DAB1: variants seen among roughly 807,000 people sequenced by gnomAD.
The protein encoded by DAB1 is disabled homolog 1.
DAB1 carries 15 observed loss-of-function variants against 64.6 expected under a neutral mutation model. That is an observed-to-expected ratio of 0.23 (90% CI 0.16 to 0.36). The LOEUF is 0.36. Among genes scored for constraint, DAB1 ranks in the 10% least tolerant of loss-of-function variants. DAB1 has a pLI of 1.00. For missense variants in DAB1, 596 were observed against 706.7 expected (o/e 0.84, Z 1.78); for synonymous variants, 235 against 251.9 (o/e 0.93, Z 0.64).
At chr1:58,531,751 C>T (rs536932494) in intron 1 of DAB1, among the ~76,000 whole-genome samples, 172 of 152,118 alleles carry the variant, frequency 1.1e-3, no homozygotes, top group Non-Finnish European at 1.2e-3. Context: ...GCCCTGTTGC[C>T]CAAGCTGGAG....
At position 58,088,906 on chromosome 1, in the gene DAB1, A is replaced by G. The variant is rs149157708; in HGVS notation, n.387+61605T>C. ...GGGAGGGGCTGCTGATGAGATCAGG[A>G]AGGACTTCCCTGTGAAGGAACGCGG... On this transcript the variant is annotated intron_variant and non_coding_transcript_variant, in intron 5 of 20. Transcript: ENST00000485760. Among the ~76,000 whole-genome samples the G allele has an allele frequency of 8.3e-3, 1,261 of 152,296 alleles. 22 individuals carry two copies. Among genetic ancestry groups the G allele is most frequent in the African/African-American group, 0.026 (1,099 of 41,560 alleles).
In DAB1 at chr1:57,244,221, C is replaced by T. The variant is rs114177239; in HGVS notation, c.67+46743G>A. Among the ~76,000 whole-genome samples the T allele has an allele frequency of 4.9e-4, 75 of 152,316 alleles. 1 individual carries two copies. The Middle Eastern group carries it at 0.02, about 41-fold the overall frequency. The stretch of plus-strand genomic sequence containing the variant: ...TATCTCCATTGTCTTTTACCATGTT[C>T]GATTCTCCGAATAAACAGTGAGCTT... On this transcript the variant is annotated intron_variant, in intron 2 of 14. Coordinates refer to ENST00000371236, the MANE Select transcript of DAB1 (RefSeq NM_001365792.1).
At chr1:57,372,634 G>A (rs1434203260) in intron 1 of DAB1, among the ~76,000 whole-genome samples, 2 of 151,934 alleles carry the variant, frequency 1.3e-5, no homozygotes, top group Non-Finnish European at 2.9e-5. Flanking sequence ...TTGCCTTCAA[G>A]AAAATACATC....
intron 6 of DAB1, among the ~76,000 whole-genome samples, chr1:57,766,208 T>TC (rs1649304347): frequency 6.6e-6 from 1 of 151,384 alleles, no homozygotes; most frequent in South Asian, 2.1e-4. Flanking sequence ...TTACCTGATT[T>TC]CCCCCCATGT....
intron 6 of DAB1, among the ~76,000 whole-genome samples, chr1:57,743,521 G>A (rs535525129): frequency 5.3e-5 from 8 of 152,322 alleles, no homozygotes; most frequent in African/African-American, 1.9e-4. Flanking sequence ...GTTGCTCACA[G>A]AAAGCCTGTT....
chr1:58,504,268 C>T (rs57329436), intron 3 of DAB1, among the ~76,000 whole-genome samples: 2,503 of 152,276 alleles, frequency 0.016, 53 homozygotes, highest in East Asian at 0.12. Flanking sequence ...TCTTCCCTTC[C>T]CTTACTCCAT....
intron 7 of DAB1, among the ~76,000 whole-genome samples, chr1:57,604,809 C>T (rs1645617070): frequency 6.6e-6 from 1 of 152,206 alleles, no homozygotes; most frequent in Admixed American, 6.5e-5. Flanking sequence ...CCTGTGATAA[C>T]TGAACTGTTG....
At chr1:58,517,473 T>A (rs60490291) in intron 2 of DAB1, among the ~76,000 whole-genome samples, 23,000 of 152,206 alleles carry the variant, frequency 0.15, 1,820 homozygotes, top group Middle Eastern at 0.23. Context: ...CTCCATTTTA[T>A]CTATTTCTTT....
At chr1:57,339,634 G>A (rs1677408632) in intron 1 of DAB1, among the ~76,000 whole-genome samples, 1 of 152,166 alleles carries the variant, frequency 6.6e-6, no homozygotes, top group African/African-American at 2.4e-5. Flanking sequence ...GTATGTTTAA[G>A]GTCCTAACAG....
At chr1:57,162,967 C>T (rs1412015820) in intron 2 of DAB1, among the ~76,000 whole-genome samples, 4 of 152,190 alleles carry the variant, frequency 2.6e-5, no homozygotes, top group South Asian at 2.1e-4. Flanking sequence ...TGTCCCCACC[C>T]GACAGTTGTT....
chr1:58,074,558 ATGTG>A (rs1553157890), intron 5 of DAB1: 4 of 57,598 alleles, frequency 6.9e-5, no homozygotes, highest in South Asian at 9.9e-4. Flanking sequence ...ACATATATAT[ATGTG>A]TGTATATATA....
At chr1:57,652,346 A>G (rs189063641) in intron 6 of DAB1, among the ~76,000 whole-genome samples, 1 of 152,272 alleles carries the variant, frequency 6.6e-6, no homozygotes, top group Non-Finnish European at 1.5e-5. Flanking sequence ...ATCAATCAGC[A>G]GCAAACACCC....
intron 4 of DAB1, among the ~76,000 whole-genome samples, chr1:58,157,653 C>A (rs984978739): frequency 1.3e-5 from 2 of 152,054 alleles, no homozygotes; most frequent in Non-Finnish European, 2.9e-5. Context: ...GGGCAGTGAT[C>A]GATTCAGAGC....
At chr1:58,455,507 G>A (rs920747248) in intron 3 of DAB1, among the ~76,000 whole-genome samples, 5 of 152,274 alleles carry the variant, frequency 3.3e-5, no homozygotes, top group African/African-American at 7.2e-5. Context: ...ATCAGGAGGC[G>A]GAGAGAGGGG....
At position 58,281,959 on chromosome 1, in the gene DAB1, TATC is replaced by T. The variant is rs367918359; in HGVS notation, n.309+61390_309+61392del. On this transcript the variant is annotated intron_variant and non_coding_transcript_variant, in intron 4 of 20. Transcript: ENST00000485760. ...ATCACCACCCCGTCATCATCATTGT[TATC>T]ATCATTACCATCATCACATCTTCCT... Among the ~76,000 whole-genome samples the T allele has an allele frequency of 3.7e-3, 567 of 152,136 alleles. 4 individuals are homozygous for T. The highest frequency in any genetic ancestry group is 0.013 in the African/African-American group (523 of 41,488).
At chr1:58,438,492 T>C (rs1333260542) in intron 3 of DAB1, among the ~76,000 whole-genome samples, 1 of 152,130 alleles carries the variant, frequency 6.6e-6, no homozygotes, top group Non-Finnish European at 1.5e-5. Context: ...GCTGGGAGCA[T>C]TCAGTGAACT....
At chr1:57,672,343 G>C (rs1390681437) in intron 6 of DAB1, among the ~76,000 whole-genome samples, 1 of 152,170 alleles carries the variant, frequency 6.6e-6, no homozygotes, top group East Asian at 1.9e-4. Flanking sequence ...AATATCATAA[G>C]TGTTCAGAGG....
intron 2 of DAB1, among the ~76,000 whole-genome samples, chr1:57,185,128 C>T (rs368231967): frequency 2.0e-5 from 3 of 152,256 alleles, no homozygotes; most frequent in East Asian, 1.9e-4. Context: ...AAACATGCTT[C>T]CCCCTCTCTG....
chr1:57,901,833 A>G (rs1241498398), intron 5 of DAB1, among the ~76,000 whole-genome samples: 2 of 152,140 alleles, frequency 1.3e-5, no homozygotes, highest in East Asian at 3.9e-4. Context: ...CTCACAGCCA[A>G]CCCCACTGCG....
Sources: allele counts gnomAD v4.1 joint callset (sites outside exome capture counted in the v4.1 genomes callset), GRCh38; gene constraint gnomAD v4.1.1; transcripts MANE v1.5; gene names NCBI Gene and HGNC (gene_info 2026-07-23, HGNC 2026-07-21).